CABCOCO1: variants seen among roughly 807,000 people sequenced by gnomAD.
The protein encoded by CABCOCO1 is ciliary-associated calcium-binding coiled-coil protein 1.
CABCOCO1 carries 28 observed loss-of-function variants against 35.7 expected under a neutral mutation model. The ratio of observed to expected loss-of-function variants is 0.78; its 90% confidence interval spans 0.58 to 1.07. The LOEUF (loss-of-function observed/expected upper bound fraction) is 1.07. Ranked by LOEUF, CABCOCO1 falls within the 50% of genes least tolerant of loss-of-function variation. The pLI, the probability that CABCOCO1 is intolerant of heterozygous loss-of-function variation, is 0.00. For synonymous variants in CABCOCO1, 95 were observed against 100.1 expected, an observed-to-expected ratio of 0.95 and a Z score of 0.30; for missense variants, 326 against 309.2, an observed-to-expected ratio of 1.05 and a Z score of -0.41.
At chr10:61,679,590 C>A (rs71507182) in intron 2 of CABCOCO1, among the ~76,000 whole-genome samples, 2,377 of 152,236 alleles carry the variant, frequency 0.016, 40 homozygotes, top group East Asian at 0.046. Context: ...AAAATGCCTG[C>A]TAGTTTGTAA....
chr10:61,761,884 A>G (rs147698899), intron 7 of CABCOCO1, among the ~76,000 whole-genome samples: 198 of 152,212 alleles, frequency 1.3e-3, no homozygotes, highest in African/African-American at 4.6e-3. Flanking sequence ...ATCAAATGTT[A>G]TTGCACTATT....
chr10:61,697,427 A>G (rs1444651547), intron 5 of CABCOCO1, among the ~76,000 whole-genome samples: 1 of 152,066 alleles, frequency 6.6e-6, no homozygotes, highest in Non-Finnish European at 1.5e-5. Context: ...TTAATTTAAA[A>G]AGTGTAGAAG....
chr10:61,741,438 A>G (rs1841547840), intron 5 of CABCOCO1, among the ~76,000 whole-genome samples: 1 of 152,170 alleles, frequency 6.6e-6, no homozygotes, highest in African/African-American at 2.4e-5. Flanking sequence ...CTATTTAAGG[A>G]GTAAAGAGTA....
intron 5 of CABCOCO1, among the ~76,000 whole-genome samples, chr10:61,744,571 G>A (rs1841616374): frequency 6.6e-6 from 1 of 152,124 alleles, no homozygotes; most frequent in African/African-American, 2.4e-5. Flanking sequence ...TTTGAGCCAG[G>A]TGGTAGTTCT....
intron 5 of CABCOCO1, among the ~76,000 whole-genome samples, chr10:61,712,554 G>C (rs1224165893): frequency 6.6e-6 from 1 of 152,096 alleles, no homozygotes; most frequent in African/African-American, 2.4e-5. Flanking sequence ...ATTGCTTTTG[G>C]TGTTTTAGTC....
chr10:61,681,964 AC>A (rs1397649804), intron 3 of CABCOCO1, among the ~76,000 whole-genome samples: 1 of 152,194 alleles, frequency 6.6e-6, no homozygotes, highest in East Asian at 1.9e-4. Flanking sequence ...ATTTCTTCGT[AC>A]GTATTTTTGA....
intron 5 of CABCOCO1, among the ~76,000 whole-genome samples, chr10:61,726,300 C>T (rs944109015): frequency 5.9e-5 from 9 of 152,056 alleles, no homozygotes; most frequent in East Asian, 3.8e-4. Flanking sequence ...TATAAGGCTA[C>T]GTACCAATTA....
At chr10:61,742,201 G>T (rs186536832) in intron 5 of CABCOCO1, among the ~76,000 whole-genome samples, 1 of 152,180 alleles carries the variant, frequency 6.6e-6, no homozygotes, top group Non-Finnish European at 1.5e-5. Flanking sequence ...CAAGACTCGG[G>T]GGGAGACAGG....
intron 1 of CABCOCO1, among the ~76,000 whole-genome samples, chr10:61,670,095 T>C (rs1278272875): frequency 6.6e-6 from 1 of 152,114 alleles, no homozygotes; most frequent in Non-Finnish European, 1.5e-5. Context: ...GTTAGCAACC[T>C]ATGTTGACAT....
chr10:61,697,298 T>C (rs1237502490), intron 5 of CABCOCO1, among the ~76,000 whole-genome samples: 1 of 151,970 alleles, frequency 6.6e-6, no homozygotes, highest in Non-Finnish European at 1.5e-5. Context: ...TAAATACTTG[T>C]TGTGTACATT....
intron 5 of CABCOCO1, among the ~76,000 whole-genome samples, chr10:61,728,970 A>T (rs574902316): frequency 6.6e-6 from 1 of 152,294 alleles, no homozygotes; most frequent in African/African-American, 2.4e-5. Flanking sequence ...TGTGGGGGGA[A>T]CTGGGCAAAA....
intron 2 of CABCOCO1, among the ~76,000 whole-genome samples, chr10:61,675,980 A>C (rs1240422621): frequency 6.6e-6 from 1 of 152,214 alleles, no homozygotes; most frequent in Non-Finnish European, 1.5e-5. Flanking sequence ...TTAATATTTT[A>C]ATAGAATAAA....
At chr10:61,731,525 AT>A (rs893735487) in intron 5 of CABCOCO1, among the ~76,000 whole-genome samples, 35 of 150,436 alleles carry the variant, frequency 2.3e-4, no homozygotes, top group East Asian at 5.8e-4. Flanking sequence ...TCACCTTCTC[AT>A]TTTTTTTTGT....
At position 61,680,448 on chromosome 10, in the gene CABCOCO1, T is replaced by TA. The variant is rs1246738031; in HGVS notation, c.165-695_165-694insA. ...TTTATATATTAACATATATAATATA[T>TA]TTTATATATAACATATATAATATAT... On this transcript the variant is annotated intron_variant, in intron 2 of 7. Coordinates refer to ENST00000648843, the MANE Select transcript of CABCOCO1 (RefSeq NM_001366906.2). 1.1e-4 allele frequency among the ~76,000 whole-genome samples: 15 copies of TA among 133,330 alleles called. No individual in the cohort carries two copies. In the South Asian group the frequency reaches 1.3e-3, roughly 11 times the overall value. 87.5% of individuals were successfully genotyped at this position (133,330 alleles called of 152,430 possible). A position where few individuals can be genotyped will look rare whatever the true frequency, so the allele number is the denominator to read the frequency against.
intron 5 of CABCOCO1, among the ~76,000 whole-genome samples, chr10:61,707,526 T>A (rs1840623124): frequency 6.6e-6 from 1 of 152,122 alleles, no homozygotes; most frequent in African/African-American, 2.4e-5. Flanking sequence ...AATCCCTTAT[T>A]GGGGAGGTTT....
At chr10:61,703,365 CT>C (rs1564541232) in intron 5 of CABCOCO1, among the ~76,000 whole-genome samples, 1 of 151,232 alleles carries the variant, frequency 6.6e-6, no homozygotes, top group Admixed American at 6.6e-5. Flanking sequence ...TAATAAGGGA[CT>C]TTCATATAAA....
At chr10:61,722,611 G>A (rs1841049524) in intron 5 of CABCOCO1, among the ~76,000 whole-genome samples, 1 of 151,650 alleles carries the variant, frequency 6.6e-6, no homozygotes, top group South Asian at 2.1e-4. Context: ...AGAAATAAAT[G>A]AATTTTTTAA....
intron 5 of CABCOCO1, among the ~76,000 whole-genome samples, chr10:61,726,012 T>G (rs1564548392): frequency 6.6e-6 from 1 of 152,292 alleles, no homozygotes; most frequent in East Asian, 1.9e-4. Context: ...TTGTATGTGA[T>G]CCCTGTGTGA....
At chr10:61,717,083 C>G (rs185336685) in intron 5 of CABCOCO1, among the ~76,000 whole-genome samples, 101 of 152,224 alleles carry the variant, frequency 6.6e-4, no homozygotes, top group Middle Eastern at 3.4e-3. Flanking sequence ...ACTTCATCCT[C>G]CTAACATCCT....
Sources: allele counts gnomAD v4.1 joint callset (sites outside exome capture counted in the v4.1 genomes callset), GRCh38; gene constraint gnomAD v4.1.1; transcripts MANE v1.5; gene names NCBI Gene and HGNC (gene_info 2026-07-23, HGNC 2026-07-21).